C1QTNF12: variants seen among roughly 807,000 people sequenced by gnomAD.
The protein encoded by C1QTNF12 is adipolin.
C1QTNF12 carries 39 observed loss-of-function variants against 34.3 expected under a neutral mutation model. The ratio of observed to expected loss-of-function variants is 1.14; its 90% confidence interval spans 0.88 to 1.49. C1QTNF12 has a LOEUF of 1.49. C1QTNF12 is among the 40% of genes most tolerant of loss of function. C1QTNF12 has a pLI of 0.00. For missense variants in C1QTNF12, 497 were observed against 424.7 expected (o/e 1.17, Z -1.50); for synonymous variants, 220 against 196.9 (o/e 1.12, Z -0.98).
chr1:1,244,423 G>C lies in C1QTNF12; in HGVS notation c.252C>G (p.Asp84Glu), dbSNP rs532691441. 14 of 1,611,898 alleles carry C rather than the reference G, an allele frequency of 8.7e-6. No individual in the cohort carries two copies. The highest frequency in any genetic ancestry group is 1.2e-5 in the Non-Finnish European group (14 of 1,179,528). Residue 84 changes from aspartate to glutamate, a missense_variant, in exon 2 of 8, where the codon GAC (aspartate) becomes GAG (glutamate). By Grantham distance (45) the Asp-to-Glu change is conservative. Transcript: ENST00000330388. ...TWLNFVRRPD[D>E]GALRKRCGSR... ...TTCCGCACCGCTTCCTTAAGGCGCC[G>C]TCGTCCGGCCGCCGGACAAAGTTCA...
Position 1,246,577 on chromosome 1 carries a change from G to A in C1QTNF12, c.114C>T (p.Arg38=), listed in dbSNP as rs1195078621. The change falls in exon 1 of 8, where the codon CGC becomes CGT. Residue 38 remains arginine (R), a synonymous_variant. Coordinates refer to ENST00000330388, the MANE Select transcript of C1QTNF12 (RefSeq NM_001014980.3). The surrounding 1 kb of genome is among the most constrained non-coding windows in gnomAD (Gnocchi z 4.5). Reference sequence around the variant, plus strand: ...TGGCGGTGGCGTTGGGGGGATCTGCGCGCTGGCCAGGCTGCTGCGTCCTCT... The same window carrying A: ...TGGCGGTGGCGTTGGGGGGATCTGCACGCTGGCCAGGCTGCTGCGTCCTCT... ...EAQRTQQPGQ[R]ADPPNATASA... 6 of 1,246,234 alleles carry A rather than the reference G, an allele frequency of 4.8e-6. No homozygotes were observed. Among genetic ancestry groups the A allele is most frequent in the Non-Finnish European group, 6.0e-6 (6 of 995,448 alleles). 77.2% of individuals were successfully genotyped at this position (1,246,234 alleles called of 1,614,324 possible).
chr1:1,245,943 G>A (rs1570515357), intron 1 of C1QTNF12, among the ~76,000 whole-genome samples: 1 of 152,342 alleles, frequency 6.6e-6, no homozygotes. Context: ...CAGGAGAGAG[G>A]AAGCCCAGGG....
rs1360142594 is a variant in C1QTNF12, at chr1:1,242,852, C to G, written c.793G>C (p.Gly265Arg). 1 of 1,612,272 alleles carries G rather than the reference C, an allele frequency of 6.2e-7. No individual in the cohort carries two copies. Reference protein sequence around the residue: ...NSRVFTLQVQGLLQLQAGQYA... With the variant: ...NSRVFTLQVQRLLQLQAGQYA... Reference sequence around the variant, plus strand: ...GGACTCACCTGCAGCTGCAGCAGCCCCTGCACCTGTAGCGTGAAGACCCTG... The same window carrying G: ...GGACTCACCTGCAGCTGCAGCAGCCGCTGCACCTGTAGCGTGAAGACCCTG... Residue 265 changes from glycine to arginine, a missense_variant, in exon 7 of 8, where the codon GGG becomes CGG. Coordinates refer to ENST00000330388, the MANE Select transcript of C1QTNF12 (RefSeq NM_001014980.3).
At chr1:1,245,600 AC>A (rs895236788) in intron 1 of C1QTNF12, among the ~76,000 whole-genome samples, 2 of 147,558 alleles carry the variant, frequency 1.4e-5, no homozygotes, top group Non-Finnish European at 3.0e-5. Context: ...ACTGCTGAAG[AC>A]CCCCCCACTG....
In C1QTNF12 at chr1:1,243,399, G is replaced by A. The variant is rs1019202378; in HGVS notation, c.640+45C>T. On this transcript the variant is annotated intron_variant, in intron 5 of 7. Coordinates refer to ENST00000330388, the MANE Select transcript of C1QTNF12 (RefSeq NM_001014980.3). ...ATGCCAGGCGCCCCCAGAAAGCTCA[G>A]CCCCAGCCCCGTCACAGCACACGGC... 21 of 1,515,278 alleles carry A rather than the reference G, an allele frequency of 1.4e-5. No individual in the cohort carries two copies. The African/African-American group carries it at 2.8e-4, about 20-fold the overall frequency. 93.9% of individuals were successfully genotyped at this position (1,515,278 alleles called of 1,614,324 possible).
chr1:1,244,521 C>A (rs375764041), intron 1 of C1QTNF12, 24 bp from the exon 2 acceptor site: 2 of 1,538,768 alleles, frequency 1.3e-6, no homozygotes, highest in East Asian at 4.5e-5. Context: ...ACGGGGCTAG[C>A]GCACTGAGGC....
intron 5 of C1QTNF12, 130 bp downstream of exon 5, chr1:1,243,314 C>T (rs1638789049): frequency 9.5e-7 from 1 of 1,052,156 alleles, no homozygotes; most frequent in South Asian, 1.6e-5. Context: ...CATGCCCAGT[C>T]CAAGGCCCCC....
intron 1 of C1QTNF12, chr1:1,244,720 GC>G (rs1160463270): frequency 1.9e-6 from 1 of 529,306 alleles, no homozygotes; most frequent in Non-Finnish European, 3.4e-6. Context: ...GATGCCCTGA[GC>G]CCCTCACTCC....
In C1QTNF12 at chr1:1,243,086, A is replaced by G; in HGVS notation, c.707T>C (p.Ile236Thr). 2 of 1,588,444 alleles carry G rather than the reference A, an allele frequency of 1.3e-6. No individual in the cohort carries two copies. The highest frequency in any genetic ancestry group is 1.1e-5 in the South Asian group (1 of 87,548). ...ARDVVCVLIC[I>T]ESLCQRHTCL... is the part of the protein sequence containing the mutation. ...CGTGTGGCGCTGGCACAGGGACTCAATACAGATGAGAACACACACCACGTC... is the reference window on the plus strand; with the variant it reads ...CGTGTGGCGCTGGCACAGGGACTCAGTACAGATGAGAACACACACCACGTC... The change falls in exon 6 of 8, where the codon ATT becomes ACT. Residue 236 changes from isoleucine to threonine, a missense_variant. Coordinates refer to ENST00000330388, the MANE Select transcript of C1QTNF12 (RefSeq NM_001014980.3).
At chr1:1,244,572 C>T (rs1373796021) in intron 1 of C1QTNF12, 75 bp from the exon 2 acceptor site, 60 of 1,150,046 alleles carry the variant, frequency 5.2e-5, no homozygotes, top group Non-Finnish European at 7.8e-5. Flanking sequence ...CAGCGGGGAG[C>T]ACTCAGGGCA....
Position 1,244,002 on chromosome 1 carries a change from G to A in C1QTNF12, c.483C>T (p.Pro161=), listed in dbSNP as rs920636724. The A allele has an allele frequency of 1.2e-6, 2 of 1,605,794 alleles. No homozygotes were observed. The highest frequency in any genetic ancestry group is 1.7e-6 in the Non-Finnish European group (2 of 1,177,126). The part of the protein sequence containing the change: ...GEAFHCRLQG[P]RRVDKRTLVE... ...CCAGCGTCCGCTTGTCCACCCGGCG[G>A]GGACCCTGCAGCCGGCAGTGAAAGG... Residue 161 remains proline, a synonymous_variant, in exon 4 of 8, where the codon CCC becomes CCT. Transcript: ENST00000330388.
In C1QTNF12 at chr1:1,245,748, G is replaced by C. The variant is rs371598470; in HGVS notation, c.177+766C>G. ...CGGGACCTCGGGCTCCAGCGGGGCC[G>C]CGTGGGCTGAGAGGCAGCCGGGCTG... is the stretch of plus-strand genomic sequence containing the variant. On this transcript the variant is annotated intron_variant, in intron 1 of 7. Coordinates refer to ENST00000330388, the MANE Select transcript of C1QTNF12 (RefSeq NM_001014980.3). 5.4e-4 allele frequency among the ~76,000 whole-genome samples: 82 copies of C among 152,344 alleles called. 1 individual carries two copies. The East Asian group carries it at 0.013, about 23-fold the overall frequency.
chr1:1,245,861 C>G (rs964329876), intron 1 of C1QTNF12, among the ~76,000 whole-genome samples: 10 of 152,296 alleles, frequency 6.6e-5, no homozygotes, highest in African/African-American at 2.4e-4. Flanking sequence ...AACTGCGGCT[C>G]CCCTCCCAGT....
intron 2 of C1QTNF12, 43 bp downstream of exon 2, chr1:1,244,338 C>G (rs760189156): frequency 1.9e-6 from 3 of 1,597,630 alleles, no homozygotes; most frequent in Non-Finnish European, 2.6e-6. Context: ...CCACCACACC[C>G]TGTCCGGGGC....
rs1638780173 is a variant in C1QTNF12, at chr1:1,243,045, G to A, written c.731+17C>T. On this transcript the variant is annotated intron_variant, in intron 6 of 7. Transcript: ENST00000330388. ...GTCCGGGGGCTGCCGCCTGGAGCGGGGGCTGAGGTCACTCACGTGTGGCGC... is the reference window on the plus strand; with the variant it reads ...GTCCGGGGGCTGCCGCCTGGAGCGGAGGCTGAGGTCACTCACGTGTGGCGC... 2 of 1,569,828 alleles carry A rather than the reference G, an allele frequency of 1.3e-6. No homozygotes were observed. Among genetic ancestry groups the A allele is most frequent in the Non-Finnish European group, 1.7e-6 (2 of 1,157,864 alleles).
chr1:1,244,070 G>A lies in C1QTNF12; in HGVS notation c.415C>T (p.Pro139Ser). ...AGGCCCGCCCCCTGGGGCAGCAGCG[G>A]GTCCAGAAGCCCTGAGAACCGGCGC... ...TERRFSGLLD[P>S]LLPQGAGLRL... Residue 139 changes from proline to serine, a missense_variant, in exon 4 of 8, where the codon CCG becomes TCG. Physicochemically the swap from Pro to Ser is moderately conservative, Grantham distance 74 (BLOSUM62 -1). Transcript: ENST00000330388. 6.3e-7 allele frequency: 1 copy of A among 1,595,684 alleles called. No homozygotes were observed. Among genetic ancestry groups the A allele is most frequent in the East Asian group, 2.2e-5 (1 of 44,548 alleles).
Position 1,246,495 on chromosome 1 carries a change from G to A in C1QTNF12, c.177+19C>T, listed in dbSNP as rs1041717255. On this transcript the variant is annotated intron_variant, in intron 1 of 7. Transcript: ENST00000330388. The surrounding 1 kb of genome is among the most constrained non-coding windows in gnomAD (Gnocchi z 4.5). Reference sequence around the variant, plus strand: ...CCGAAGCTGCCCCGCGAGGGCCCACGTGCGTCCCGGCCGCGTACCTTGGGG... The same window carrying A: ...CCGAAGCTGCCCCGCGAGGGCCCACATGCGTCCCGGCCGCGTACCTTGGGG... 36 of 1,230,978 alleles carry A rather than the reference G, an allele frequency of 2.9e-5. No individual in the cohort carries two copies. Among genetic ancestry groups the A allele is most frequent in the Non-Finnish European group, 3.4e-5 (34 of 987,204 alleles). 76.3% of individuals were successfully genotyped at this position (1,230,978 alleles called of 1,614,324 possible).
intron 1 of C1QTNF12, among the ~76,000 whole-genome samples, chr1:1,245,994 C>T (rs1638882726): frequency 1.3e-5 from 2 of 152,088 alleles, no homozygotes; most frequent in South Asian, 2.1e-4. Context: ...TGAGGACGCC[C>T]GGCCTGACTG....
intron 1 of C1QTNF12, 171 bp from the exon 2 acceptor site, chr1:1,244,668 C>G (rs1304640109): frequency 1.6e-6 from 1 of 610,468 alleles, no homozygotes; most frequent in Non-Finnish European, 3.0e-6. Flanking sequence ...ATGCCACCAG[C>G]AGGGCAGGCA....
Sources: gnomAD v4.1 joint callset for allele counts (sites outside exome capture counted in the v4.1 genomes callset) on GRCh38, gnomAD v4.1.1 for gene constraint, Gnocchi (gnomAD v3.1) non-coding constraint, MANE v1.5 for transcripts, NCBI Gene and HGNC (gene_info 2026-07-23, HGNC 2026-07-21) for gene names.